Variants in NHSL2 observed in about 807,000 individuals in gnomAD.
NHSL2 encodes NHS-like protein 2.
In NHSL2, 27 loss-of-function variants were observed where a neutral mutation model predicts 53.4. The ratio of observed to expected loss-of-function variants is 0.51; its 90% confidence interval spans 0.37 to 0.70. The LOEUF is 0.70. NHSL2 is among the 30% of genes least tolerant of loss of function. The pLI is 0.00. For synonymous variants in NHSL2, 408 were observed against 404.1 expected (o/e 1.01, Z -0.12); for missense variants, 892 against 980.1 (o/e 0.91, Z 1.20).
At chrX:72,039,087 CTTTCCTTTCCT>C (rs2042257959) in intron 1 of NHSL2, among the ~76,000 whole-genome samples, 1 of 63,404 alleles carries the variant, frequency 1.6e-5, no homozygotes, top group South Asian at 8.7e-4. Flanking sequence ...CTTTCCTTTC[CTTTCCTTTCCT>C]TTCCTTTCCT....
At position 72,151,556 on chromosome X, in the gene NHSL2, C is replaced by T. The variant is rs747168119; in HGVS notation, c.*7982C>T. 2.7e-5 allele frequency: 3 copies of T among 111,887 alleles called. No homozygotes were observed. The East Asian group carries it at 8.5e-4, about 32-fold the overall frequency. 9.2% of individuals were successfully genotyped at this position (111,887 alleles called of 1,213,427 possible). Reference sequence around the variant, plus strand: ...AACCATTACTCTTCAATAGAGTGTCCTTCATGAGCTCTCTCTCTCTCTCAT... The same window carrying T: ...AACCATTACTCTTCAATAGAGTGTCTTTCATGAGCTCTCTCTCTCTCTCAT... On this transcript the variant is annotated 3_prime_UTR_variant, in exon 8 of 8. Coordinates refer to ENST00000633930, the MANE Select transcript of NHSL2 (RefSeq NM_001013627.3).
intron 1 of NHSL2, among the ~76,000 whole-genome samples, chrX:72,087,739 G>A (rs907668291): frequency 3.4e-4 from 38 of 111,414 alleles, no homozygotes; most frequent in Non-Finnish European, 4.9e-4. Context: ...AGGCGTGGTG[G>A]CACGCACCTA....
Position 72,146,667 on chromosome X carries a change from G to C in NHSL2, c.*3093G>C. The C allele has an allele frequency of 9.0e-6, 1 of 111,489 alleles. No homozygotes were observed. Among genetic ancestry groups the C allele is most frequent in the South Asian group, 3.8e-4 (1 of 2,644 alleles). 9.2% of individuals were successfully genotyped at this position (111,489 alleles called of 1,213,427 possible). A position where few individuals can be genotyped will look rare whatever the true frequency, so the allele number is the denominator to read the frequency against. ...TGATCTAGTCACCATCCCCAGGAGC[G>C]GAGGTTAATTGTTAACCAAGGATGC... On this transcript the variant is annotated 3_prime_UTR_variant, in exon 8 of 8. Transcript: ENST00000633930.
intron 1 of NHSL2, among the ~76,000 whole-genome samples, chrX:72,029,363 A>G (rs1364158840): frequency 3.6e-5 from 4 of 111,957 alleles, no homozygotes; most frequent in African/African-American, 1.3e-4. Flanking sequence ...CGGGGCTGCC[A>G]CCACCCTACT....
At chrX:71,951,101 T>A (rs1337600190) in intron 1 of NHSL2, among the ~76,000 whole-genome samples, 1 of 110,687 alleles carries the variant, frequency 9.0e-6, no homozygotes, top group Non-Finnish European at 1.9e-5. Context: ...TTCATTTGTG[T>A]GTTTGCCATC....
At chrX:72,048,987 GAGAAGA>G (rs1297031122) in intron 1 of NHSL2, among the ~76,000 whole-genome samples, 12 of 35,541 alleles carry the variant, frequency 3.4e-4, no homozygotes, top group East Asian at 1.0e-3. Flanking sequence ...GAAGAAGGAG[GAGAAGA>G]AGAAGAAGAA....
chrX:72,124,394 C>T (rs1283211843), intron 1 of NHSL2, among the ~76,000 whole-genome samples: 1 of 111,554 alleles, frequency 9.0e-6, no homozygotes, highest in Non-Finnish European at 1.9e-5. Context: ...GGGATCGTCA[C>T]GCATGCTATG....
intron 1 of NHSL2, among the ~76,000 whole-genome samples, chrX:72,006,857 G>A (rs1046472018): frequency 1.8e-4 from 20 of 112,577 alleles, no homozygotes; most frequent in Non-Finnish European, 2.6e-4. Context: ...CCAGTTTTTC[G>A]TATACACCAT....
Position 72,123,909 on chromosome X carries a change from C to A in NHSL2, c.281-8170C>A, listed in dbSNP as rs1438166777. On this transcript the variant is annotated intron_variant, in intron 1 of 7. Coordinates refer to ENST00000633930, the MANE Select transcript of NHSL2 (RefSeq NM_001013627.3). ...TGGCAGGCAGGAAGGGGAGAGGGGA[C>A]ACAGGGAGCAGGTCAGGGCCTGCTC... 4.5e-5 allele frequency among the ~76,000 whole-genome samples: 5 copies of A among 110,793 alleles called. No individual in the cohort carries two copies. The Admixed American group carries it at 4.7e-4, about 10-fold the overall frequency.
chrX:71,924,928 C>G lies in NHSL2; in HGVS notation c.280+13561C>G, dbSNP rs768422597. 1.9e-3 allele frequency among the ~76,000 whole-genome samples: 218 copies of G among 112,212 alleles called. 1 individual carries two copies. The highest frequency in any genetic ancestry group is 6.7e-3 in the African/African-American group (207 of 30,913). ...GCTTTGTAAACAAAAAATCACCCCC[C>G]CTCCCCAAATGTTATGTATTATCAT... is the stretch of plus-strand genomic sequence containing the variant. On this transcript the variant is annotated intron_variant, in intron 1 of 7. Coordinates refer to ENST00000633930, the MANE Select transcript of NHSL2 (RefSeq NM_001013627.3).
chrX:71,959,237 G>A (rs1223481045), intron 1 of NHSL2, among the ~76,000 whole-genome samples: 16 of 112,038 alleles, frequency 1.4e-4, no homozygotes, highest in Admixed American at 8.5e-4. Context: ...GTGCTACAGC[G>A]ATGCAGCCAC....
chrX:71,910,956 C>T lies in NHSL2; in HGVS notation c.-132C>T. 10 of 467,688 alleles carry T rather than the reference C, an allele frequency of 2.1e-5. No homozygotes were observed. The highest frequency in any genetic ancestry group is 3.0e-5 in the Non-Finnish European group (10 of 336,741). 38.5% of individuals were successfully genotyped at this position (467,688 alleles called of 1,213,427 possible). A position where few individuals can be genotyped will look rare whatever the true frequency, so the allele number is the denominator to read the frequency against. ...TCGTCTTTGGCGCCCGCACGCTCTC[C>T]GGCCCGCGCCCAGGGGCCTGCTACA... On this transcript the variant is annotated 5_prime_UTR_variant, in exon 1 of 8. Coordinates refer to ENST00000633930, the MANE Select transcript of NHSL2 (RefSeq NM_001013627.3).
chrX:72,012,520 C>T (rs2042120276), intron 1 of NHSL2, among the ~76,000 whole-genome samples: 1 of 112,653 alleles, frequency 8.9e-6, no homozygotes, highest in African/African-American at 3.2e-5. Context: ...CATGTCACTG[C>T]AATCTCTACC....
At chrX:72,137,041 C>A (rs757262820) in intron 4 of NHSL2, 53 bp from the exon 5 acceptor site, 95 of 1,100,080 alleles carry the variant, frequency 8.6e-5, no homozygotes, top group Non-Finnish European at 1.0e-4. Context: ...CAATTTCCAC[C>A]GTGCTTTAAA....
intron 1 of NHSL2, among the ~76,000 whole-genome samples, chrX:71,945,775 C>T (rs1326320168): frequency 1.8e-5 from 2 of 111,405 alleles, no homozygotes; most frequent in East Asian, 2.8e-4. Context: ...TTTTCCTGAC[C>T]AGTTGCTGCC....
intron 1 of NHSL2, among the ~76,000 whole-genome samples, chrX:72,116,609 G>C (rs916182233): frequency 8.9e-6 from 1 of 112,122 alleles, no homozygotes; most frequent in African/African-American, 3.2e-5. Flanking sequence ...GACTGCGTGC[G>C]TGGGTCCCCA....
intron 1 of NHSL2, among the ~76,000 whole-genome samples, chrX:71,997,877 G>C (rs2042056271): frequency 1.8e-5 from 2 of 111,740 alleles, no homozygotes; most frequent in Admixed American, 1.9e-4. Flanking sequence ...AAAGGGCTTA[G>C]GATGGGAGCT....
intron 1 of NHSL2, among the ~76,000 whole-genome samples, chrX:72,015,494 G>A (rs1176072551): frequency 1.8e-5 from 2 of 112,261 alleles, no homozygotes; most frequent in East Asian, 5.5e-4. Flanking sequence ...GTGTACACGT[G>A]CAGGAGTTTC....
intron 1 of NHSL2, among the ~76,000 whole-genome samples, chrX:72,032,366 C>A (rs1240439118): frequency 9.0e-6 from 1 of 110,866 alleles, no homozygotes. Flanking sequence ...TGCACTCCAG[C>A]CTGGGCGAAA....
Sources: allele counts gnomAD v4.1 joint callset (sites outside exome capture counted in the v4.1 genomes callset), GRCh38; gene constraint gnomAD v4.1.1; transcripts MANE v1.5; gene names NCBI Gene and HGNC (gene_info 2026-07-23, HGNC 2026-07-21).